The following NSD3 variants were observed in gnomAD, a reference collection of about 807,000 sequenced individuals.
NSD3 encodes the protein histone-lysine N-methyltransferase NSD3.
NSD3 carries 24 observed loss-of-function variants against 160.8 expected under a neutral mutation model. The ratio of observed to expected loss-of-function variants is 0.15; its 90% CI spans 0.11 to 0.21. The LOEUF (loss-of-function observed/expected upper bound fraction) is 0.21. Among genes scored for constraint, NSD3 ranks in the 10% least tolerant of loss-of-function variants. The pLI is 1.00. For missense variants in NSD3, 1,157 were observed against 1,735.9 expected, an observed-to-expected ratio of 0.67 and a Z score of 5.93; for synonymous variants, 520 against 600.0, an observed-to-expected ratio of 0.87 and a Z score of 1.95.
intron 1 of NSD3, among the ~76,000 whole-genome samples, chr8:38,373,227 CT>C (rs531629500): frequency 4.4e-4 from 65 of 146,072 alleles, no homozygotes; most frequent in Non-Finnish European, 4.2e-4. Flanking sequence ...ATGTTCACTT[CT>C]TTTTTTTTTT....
At chr8:38,295,037 G>T (rs1809099332) in intron 16 of NSD3, among the ~76,000 whole-genome samples, 1 of 151,104 alleles carries the variant, frequency 6.6e-6, no homozygotes, top group Non-Finnish European at 1.5e-5. Context: ...CCAGCTACTC[G>T]GGAGGCTGAG....
chr8:38,325,517 A>C (rs1809887032), intron 7 of NSD3, among the ~76,000 whole-genome samples: 1 of 152,218 alleles, frequency 6.6e-6, no homozygotes, highest in Non-Finnish European at 1.5e-5. Flanking sequence ...ATACTGTTAC[A>C]TAAACCAAAC....
intron 12 of NSD3, among the ~76,000 whole-genome samples, chr8:38,313,001 C>T (rs1049751861): frequency 2.0e-5 from 3 of 152,090 alleles, no homozygotes; most frequent in African/African-American, 4.8e-5. Context: ...ATGCTCTATC[C>T]GTGTTCAAAA....
intron 1 of NSD3, 65 bp from the exon 2 acceptor site, chr8:38,348,280 G>A: frequency 1.6e-6 from 2 of 1,284,406 alleles, no homozygotes; most frequent in Non-Finnish European, 2.1e-6. Context: ...CTAATCAACT[G>A]AAAAAGGATT....
At chr8:38,377,581 T>C (rs1019352631) in intron 1 of NSD3, among the ~76,000 whole-genome samples, 1 of 152,048 alleles carries the variant, frequency 6.6e-6, no homozygotes, top group Non-Finnish European at 1.5e-5. Context: ...ACGCCTGACC[T>C]CAAGCAATCC....
chr8:38,323,786 C>G (rs1809845850), intron 7 of NSD3, among the ~76,000 whole-genome samples: 1 of 146,506 alleles, frequency 6.8e-6, no homozygotes, highest in African/African-American at 2.5e-5. Flanking sequence ...TAAGATCACA[C>G]CACTGCACTT....
At chr8:38,287,801 C>T (rs949509518) in intron 19 of NSD3, among the ~76,000 whole-genome samples, 42 of 152,054 alleles carry the variant, frequency 2.8e-4, no homozygotes, top group Non-Finnish European at 4.4e-4. Context: ...TACAGGTGCC[C>T]GCTACCACGC....
At position 38,274,320 on chromosome 8, in the gene NSD3, A is replaced by C. The variant is rs1808549679; in HGVS notation, c.*1321T>G. 1 of 152,246 alleles carries C rather than the reference A, an allele frequency of 6.6e-6. No homozygotes were observed. The highest frequency in any genetic ancestry group is 2.1e-4 in the South Asian group (1 of 4,832). 9.4% of individuals were successfully genotyped at this position (152,246 alleles called of 1,614,324 possible). On this transcript the variant is annotated 3_prime_UTR_variant, in exon 24 of 24. Transcript: ENST00000317025. ...ATCTTGGTATACTCGCATCTATAAGAGTCAAGCATCACCATCAACCATTTT... is the reference window on the plus strand; with the variant it reads ...ATCTTGGTATACTCGCATCTATAAGCGTCAAGCATCACCATCAACCATTTT...
At chr8:38,309,465 C>G (rs971503227) in intron 12 of NSD3, among the ~76,000 whole-genome samples, 1 of 152,024 alleles carries the variant, frequency 6.6e-6, no homozygotes, top group African/African-American at 2.4e-5. Context: ...AAAAATCTGT[C>G]TCAATAAATA....
Position 38,317,281 on chromosome 8 carries a change from T to C in NSD3, c.1856-1239A>G. On this transcript the variant is annotated intron_variant, in intron 9 of 23. Coordinates refer to ENST00000317025, the MANE Select transcript of NSD3 (RefSeq NM_023034.2). The surrounding 1 kb of genome is among the most constrained non-coding windows in gnomAD (Gnocchi z 5.3). ...GTTTCCTGACATCTATAAATGAGGG[T>C]GCCTGCCCATGTTAATGCTGATTAA... The C allele has an allele frequency of 2.8e-6, 3 of 1,060,298 alleles. No homozygotes were observed. The highest frequency in any genetic ancestry group is 3.4e-6 in the Non-Finnish European group (3 of 875,984). 65.7% of individuals were successfully genotyped at this position (1,060,298 alleles called of 1,614,324 possible).
rs1199177762 is a variant in NSD3 at position 38,288,760 on chromosome 8, G to A, written c.3232-4C>T. 3.1e-6 allele frequency: 5 copies of A among 1,609,848 alleles called. No individual in the cohort carries two copies. The highest frequency in any genetic ancestry group is 4.3e-6 in the Non-Finnish European group (5 of 1,176,386). On this transcript the variant is annotated splice_polypyrimidine_tract_variant and splice_region_variant and intron_variant, in intron 18 of 23. Transcript: ENST00000317025. This position sits in a 1 kb window ranked among gnomAD's most constrained non-coding sequence, Gnocchi z 4.5. ...CCTTTCCTATTACTTTGTTAGCCTA[G>A]AAAACAAAATCGCAAGCGAGAGAGA...
chr8:38,309,554 GGGGT>G (rs968597556), intron 12 of NSD3, among the ~76,000 whole-genome samples: 3 of 152,144 alleles, frequency 2.0e-5, no homozygotes, highest in African/African-American at 7.2e-5. Flanking sequence ...TCAGGAGGCT[GGGGT>G]GGGAGGATCA....
At chr8:38,284,893 A>C (rs1380567884) in intron 19 of NSD3, among the ~76,000 whole-genome samples, 1 of 152,260 alleles carries the variant, frequency 6.6e-6, no homozygotes, top group Non-Finnish European at 1.5e-5. Context: ...AAGTGCTGAT[A>C]TCAAATATGA....
chr8:38,372,845 C>G (rs1463946901), intron 1 of NSD3, among the ~76,000 whole-genome samples: 19 of 148,712 alleles, frequency 1.3e-4, no homozygotes, highest in Admixed American at 1.1e-3. Flanking sequence ...CAGCCGGGCG[C>G]GGCGGTTCAC....
intron 1 of NSD3, among the ~76,000 whole-genome samples, chr8:38,377,733 G>C (rs908149927): frequency 2.6e-5 from 4 of 151,962 alleles, no homozygotes; most frequent in Admixed American, 2.0e-4. Context: ...GGTGGCTCAC[G>C]CTTGTAATCC....
In NSD3 at chr8:38,288,483, C is replaced by A; in HGVS notation, c.3501+4G>T. 6.2e-7 allele frequency: 1 copy of A among 1,613,158 alleles called. No individual in the cohort carries two copies. Among genetic ancestry groups the A allele is most frequent in the Non-Finnish European group, 8.5e-7 (1 of 1,179,240 alleles). On this transcript the variant is annotated splice_donor_region_variant and intron_variant, in intron 19 of 23. Coordinates refer to ENST00000317025, the MANE Select transcript of NSD3 (RefSeq NM_023034.2). The surrounding 1 kb of genome is among the most constrained non-coding windows in gnomAD (Gnocchi z 4.5). ...TTCCACCCCCCACCACCATCCCATG[C>A]TACCTTCTTAATGCTCCTTTTGGTC...
intron 1 of NSD3, among the ~76,000 whole-genome samples, chr8:38,369,907 G>A (rs1453044541): frequency 1.3e-5 from 2 of 152,106 alleles, no homozygotes; most frequent in Non-Finnish European, 2.9e-5. Flanking sequence ...CGACTCTCCT[G>A]CCTCAGCCTC....
rs1208482873 is a variant in NSD3 at position 38,273,850 on chromosome 8, A to G, written c.*1791T>C. 6.6e-6 allele frequency: 1 copy of G among 152,258 alleles called. No homozygotes were observed. The highest frequency in any genetic ancestry group is 1.5e-5 in the Non-Finnish European group (1 of 68,048). 9.4% of individuals were successfully genotyped at this position (152,258 alleles called of 1,614,324 possible). A position where few individuals can be genotyped will look rare whatever the true frequency, so the allele number is the denominator to read the frequency against. ...AAGCCCAATGAGTCACCGCAGAATT[A>G]ATTGCTGGAGTCAGGCAAATGGCAG... On this transcript the variant is annotated 3_prime_UTR_variant, in exon 24 of 24. Coordinates refer to ENST00000317025, the MANE Select transcript of NSD3 (RefSeq NM_023034.2).
chr8:38,279,657 T>C lies in NSD3; in HGVS notation c.3643A>G (p.Lys1215Glu), dbSNP rs750734358. The C allele has an allele frequency of 3.7e-6, 6 of 1,613,908 alleles. No individual in the cohort carries two copies. The highest frequency in any genetic ancestry group is 4.2e-6 in the Non-Finnish European group (5 of 1,179,804). Residue 1215 changes from lysine (K) to glutamate (E), a missense_variant, in exon 21 of 24, where the codon AAA becomes GAA. Physicochemically the swap from Lys to Glu is moderately conservative, Grantham distance 56. Around this residue, in one of 10 missense-constraint regions of NSD3, gnomAD observed 222 missense variants for 409.9 expected, o/e 0.54. Transcript: ENST00000317025. ...TKDRIIDAGPKGNYSRFMNHS... is the reference protein window; with the variant it reads ...TKDRIIDAGPEGNYSRFMNHS... ...TTCATGAAGCGAGAATAATTTCCTT[T>C]TGGGCCGGCATCAATTATACGGTCC...
Sources: allele counts gnomAD v4.1 joint callset (sites outside exome capture counted in the v4.1 genomes callset), GRCh38; gene constraint gnomAD v4.1.1; regional missense constraint gnomAD v4.1.1; non-coding constraint Gnocchi (gnomAD v3.1); transcripts MANE v1.5; gene names NCBI Gene and HGNC (gene_info 2026-07-23, HGNC 2026-07-21).